The following WIPF2 variants were observed in gnomAD, a reference collection of about 807,000 sequenced individuals.
WIPF2 encodes the protein WAS/WASL interacting protein family member 2, also known as WAS/WASL-interacting protein family member 2.
WIPF2 carries 23 observed loss-of-function variants against 38.8 expected under a neutral mutation model. That is an observed-to-expected ratio of 0.59 (90% CI 0.43 to 0.84). The LOEUF (loss-of-function observed/expected upper bound fraction) is 0.84. Among genes scored for constraint, WIPF2 ranks in the 40% least tolerant of loss-of-function variants. WIPF2 has a pLI of 0.00. For synonymous variants in WIPF2, 210 were observed against 223.2 expected (o/e 0.94, Z 0.53); for missense variants, 574 against 580.5 (o/e 0.99, Z 0.11).
chr17:40,264,351 AAAG>A (rs2032009459), intron 4 of WIPF2, 136 bp from the exon 5 acceptor site: 102 of 665,850 alleles, frequency 1.5e-4, no homozygotes, highest in Non-Finnish European at 1.9e-4. Context: ...AAAAAAAAAA[AAAG>A]AAAAACAAAA....
At chr17:40,243,938 T>G (rs2031276911) in intron 1 of WIPF2, among the ~76,000 whole-genome samples, 1 of 152,136 alleles carries the variant, frequency 6.6e-6, no homozygotes, top group South Asian at 2.1e-4. Flanking sequence ...GTTGAAAAAT[T>G]TTTTTCCCTT....
rs911240136 is a variant in WIPF2, at chr17:40,267,786, G to A, written c.970+2640G>A. Among the ~76,000 whole-genome samples the A allele has an allele frequency of 3.4e-4, 52 of 152,098 alleles. 1 individual carries two copies. The highest frequency in any genetic ancestry group is 1.5e-5 in the Non-Finnish European group (1 of 68,024). On this transcript the variant is annotated intron_variant, in intron 5 of 7. Coordinates refer to ENST00000323571, the MANE Select transcript of WIPF2 (RefSeq NM_133264.5). ...AACTCCTGACCTCAAGTGAGCCACT[G>A]CGCCCAGCCCTTAGCTTTTATTTTA...
chr17:40,225,589 C>T (rs1048195891), intron 1 of WIPF2, among the ~76,000 whole-genome samples: 2 of 152,134 alleles, frequency 1.3e-5, no homozygotes, highest in Admixed American at 1.3e-4. Flanking sequence ...TAAATACTCT[C>T]TTGTTTTTCA....
chr17:40,273,740 C>T (rs1391781772), intron 5 of WIPF2, 50 bp from the exon 6 acceptor site: 2 of 1,163,252 alleles, frequency 1.7e-6, no homozygotes, highest in Non-Finnish European at 2.6e-6. Context: ...GTCATTCTAC[C>T]CCTTGCCGTC....
chr17:40,283,951 GGGT>G lies in WIPF2; in HGVS notation c.*5728_*5730del, dbSNP rs1242817332. The G allele has an allele frequency of 3.3e-5, 5 of 152,052 alleles. No individual in the cohort carries two copies. In the East Asian group the frequency reaches 9.6e-4, roughly 29 times the overall value. The allele number at this position is 152,052 out of a possible 1,614,324, so 9.4% of individuals were successfully genotyped here. ...GTTATTTCTCTTACTGATTCATAATGGGTGTGTGTATGAATCACTCTCACATAA... is the reference window on the plus strand; with the variant it reads ...GTTATTTCTCTTACTGATTCATAATGGTGTGTATGAATCACTCTCACATAA... On this transcript the variant is annotated 3_prime_UTR_variant, in exon 8 of 8. Coordinates refer to ENST00000323571, the MANE Select transcript of WIPF2 (RefSeq NM_133264.5).
chr17:40,237,674 C>G (rs1484447302), intron 1 of WIPF2, among the ~76,000 whole-genome samples: 5 of 149,938 alleles, frequency 3.3e-5, no homozygotes, highest in Middle Eastern at 6.8e-3. Flanking sequence ...TAGACAGAGT[C>G]TTACTCTGTC....
Position 40,260,179 on chromosome 17 carries a change from CT to C in WIPF2, c.64-331del, listed in dbSNP as rs34757828. The stretch of plus-strand genomic sequence containing the variant: ...TATCCCAAGCTTGTGATAAAGGGAA[CT>C]TTTTTTTTTTTTTTTTTTTTTTTTG... On this transcript the variant is annotated intron_variant, in intron 2 of 7. Transcript: ENST00000323571. Among the ~76,000 whole-genome samples, 893 of 101,062 alleles carry C rather than the reference CT, an allele frequency of 8.8e-3. 1 individual carries two copies. The highest frequency in any genetic ancestry group is 0.015 in the African/African-American group (399 of 26,604). The allele number at this position is 101,062 out of a possible 152,430, so 66.3% of individuals were successfully genotyped here.
chr17:40,233,196 A>G (rs972562897), intron 1 of WIPF2, among the ~76,000 whole-genome samples: 1 of 152,088 alleles, frequency 6.6e-6, no homozygotes, highest in African/African-American at 2.4e-5. Flanking sequence ...GGGATTTTCT[A>G]TTCTCCTTAA....
At chr17:40,251,488 C>T (rs1481443498) in intron 1 of WIPF2, among the ~76,000 whole-genome samples, 2 of 152,152 alleles carry the variant, frequency 1.3e-5, no homozygotes, top group East Asian at 1.9e-4. Flanking sequence ...TTTGAATTCA[C>T]CTAAATGGGG....
In WIPF2 at chr17:40,260,631, AC is replaced by A; in HGVS notation, c.162del (p.Asn55ThrfsTer39). 6.2e-7 allele frequency: 1 copy of A among 1,613,834 alleles called. No individual in the cohort carries two copies. Among genetic ancestry groups the A allele is most frequent in the South Asian group, 1.1e-5 (1 of 91,072 alleles). On this transcript the variant is annotated frameshift_variant, in exon 3 of 8. Coordinates refer to ENST00000323571, the MANE Select transcript of WIPF2 (RefSeq NM_133264.5). LOFTEE classifies it high-confidence loss of function. ...CAAAGGGACCAAGCTGAAGAAGGTG[AC>A]CAACATTAATGATCGGAGTGCTCCC... ...ICKGTKLKKV[T>X]NINDRSAPIL...
intron 4 of WIPF2, among the ~76,000 whole-genome samples, chr17:40,263,399 G>C (rs907550563): frequency 6.6e-6 from 1 of 152,114 alleles, no homozygotes; most frequent in Non-Finnish European, 1.5e-5. Context: ...ATGCTTGCTC[G>C]CTCACCTTCT....
chr17:40,220,775 C>G (rs1227090500), intron 1 of WIPF2, among the ~76,000 whole-genome samples: 1 of 136,924 alleles, frequency 7.3e-6, no homozygotes, highest in African/African-American at 2.7e-5. Context: ...GCCCAGAATT[C>G]GTTTTTTTTT....
At chr17:40,246,337 C>T (rs1296488158) in intron 1 of WIPF2, among the ~76,000 whole-genome samples, 15 of 151,428 alleles carry the variant, frequency 9.9e-5, no homozygotes, top group Non-Finnish European at 2.2e-4. Flanking sequence ...CTGTCTGCCT[C>T]GGCCTCCCAA....
chr17:40,246,484 C>A (rs991988889), intron 1 of WIPF2, among the ~76,000 whole-genome samples: 1 of 150,790 alleles, frequency 6.6e-6, no homozygotes, highest in African/African-American at 2.4e-5. Context: ...CTGCAACCTC[C>A]ACCTCCTGGG....
Position 40,249,156 on chromosome 17 carries a change from G to A in WIPF2, c.-69-7235G>A, listed in dbSNP as rs149422725. On this transcript the variant is annotated intron_variant, in intron 1 of 7. Transcript: ENST00000323571. ...AGATTTAGAATTTTTCTTGATTTTC[G>A]TGTCTTTTTAAAATAACTTGCAATT... Among the ~76,000 whole-genome samples, 21 of 152,192 alleles carry A rather than the reference G, an allele frequency of 1.4e-4. 1 individual carries two copies. The highest frequency in any genetic ancestry group is 4.6e-4 in the African/African-American group (19 of 41,546).
At chr17:40,233,022 C>T (rs1392817212) in intron 1 of WIPF2, among the ~76,000 whole-genome samples, 2 of 152,042 alleles carry the variant, frequency 1.3e-5, no homozygotes, top group East Asian at 3.8e-4. Flanking sequence ...TCATATTTGC[C>T]CTCTGTTAGA....
intron 1 of WIPF2, among the ~76,000 whole-genome samples, chr17:40,247,074 A>G (rs563549996): frequency 6.6e-6 from 1 of 150,622 alleles, no homozygotes; most frequent in Admixed American, 6.6e-5. Flanking sequence ...AGATCGTGCC[A>G]TTGCACTCCA....
At chr17:40,225,122 T>G (rs2030424718) in intron 1 of WIPF2, among the ~76,000 whole-genome samples, 1 of 152,180 alleles carries the variant, frequency 6.6e-6, no homozygotes, top group South Asian at 2.1e-4. Context: ...GTTCTTGCGG[T>G]CCTTTATCTT....
At chr17:40,273,588 G>A (rs1273020230) in intron 5 of WIPF2, 1 of 547,588 alleles carries the variant, frequency 1.8e-6, no homozygotes, top group Non-Finnish European at 3.3e-6. Context: ...CTGACTGGTA[G>A]GAAATGTAAA....
Sources: allele counts gnomAD v4.1 joint callset (sites outside exome capture counted in the v4.1 genomes callset), GRCh38; gene constraint gnomAD v4.1.1; transcripts MANE v1.5; gene names NCBI Gene and HGNC (gene_info 2026-07-23, HGNC 2026-07-21).